Variants in DIAPH3 observed in about 807,000 individuals in gnomAD.
The protein encoded by DIAPH3 is diaphanous related formin 3.
DIAPH3 carries 117 observed loss-of-function variants against 144.3 expected under a neutral mutation model. That is an observed-to-expected ratio of 0.81 (90% confidence interval 0.70 to 0.95). The LOEUF (loss-of-function observed/expected upper bound fraction) is 0.95, where lower values mean the gene tolerates loss of function less well. Ranked by LOEUF, DIAPH3 falls within the 40% of genes least tolerant of loss-of-function variation. DIAPH3 has a pLI of 0.00. For synonymous variants in DIAPH3, 519 were observed against 488.9 expected (o/e 1.06, Z -0.81); for missense variants, 1,421 against 1,412.7 (o/e 1.01, Z -0.09).
At chr13:59,669,044 G>A (rs952131604) in intron 27 of DIAPH3, among the ~76,000 whole-genome samples, 1 of 152,104 alleles carries the variant, frequency 6.6e-6, no homozygotes, top group Non-Finnish European at 1.5e-5. Flanking sequence ...GAGATACTGA[G>A]GCTGTCTTCA....
intron 3 of DIAPH3, among the ~76,000 whole-genome samples, chr13:60,098,730 G>T (rs943980291): frequency 5.3e-5 from 8 of 152,018 alleles, no homozygotes; most frequent in African/African-American, 1.7e-4. Context: ...CTGCTTTACT[G>T]TGCTACCACA....
chr13:60,107,981 A>G (rs1266247675), intron 3 of DIAPH3, among the ~76,000 whole-genome samples: 2 of 152,214 alleles, frequency 1.3e-5, no homozygotes, highest in Non-Finnish European at 2.9e-5. Flanking sequence ...TCTTCCATTC[A>G]TTATTTTAAT....
chr13:60,068,484 CTT>C (rs1377386996), intron 4 of DIAPH3, among the ~76,000 whole-genome samples: 1 of 151,922 alleles, frequency 6.6e-6, no homozygotes, highest in Non-Finnish European at 1.5e-5. Flanking sequence ...GCCCATTTTT[CTT>C]TGTCTTTTTT....
chr13:60,057,257 A>C (rs749796698), intron 4 of DIAPH3, among the ~76,000 whole-genome samples: 1 of 151,894 alleles, frequency 6.6e-6, no homozygotes, highest in Non-Finnish European at 1.5e-5. Context: ...TGCCAACAAC[A>C]ACCAAGCTGA....
intron 4 of DIAPH3, among the ~76,000 whole-genome samples, chr13:60,052,806 C>T (rs2056399454): frequency 6.6e-6 from 1 of 151,040 alleles, no homozygotes; most frequent in African/African-American, 2.4e-5. Flanking sequence ...ACTAAAAATA[C>T]AAAAATTAGC....
intron 5 of DIAPH3, among the ~76,000 whole-genome samples, chr13:60,036,797 G>T (rs1457485853): frequency 6.6e-6 from 1 of 151,940 alleles, no homozygotes; most frequent in Non-Finnish European, 1.5e-5. Context: ...TATCCAGAAT[G>T]GAGTAGAGAG....
intron 9 of DIAPH3, among the ~76,000 whole-genome samples, chr13:59,995,903 G>A (rs2670477): frequency 0.56 from 84,379 of 151,744 alleles, 23,995 homozygotes; most frequent in Admixed American, 0.61. Context: ...AAAAGGAGGT[G>A]TCAGAACTGT....
chr13:59,848,208 G>C (rs1296146976), intron 22 of DIAPH3, among the ~76,000 whole-genome samples: 1 of 151,516 alleles, frequency 6.6e-6, no homozygotes, highest in Admixed American at 6.6e-5. Context: ...CAACAGAGCA[G>C]CCAAAGCAAT....
intron 4 of DIAPH3, among the ~76,000 whole-genome samples, chr13:60,061,617 C>T (rs2056776804): frequency 6.7e-6 from 1 of 149,090 alleles, no homozygotes; most frequent in African/African-American, 2.5e-5. Flanking sequence ...CCCCCACACA[C>T]ACCTCCCACC....
chr13:60,067,406 T>C (rs1329908629), intron 4 of DIAPH3, among the ~76,000 whole-genome samples: 2 of 152,182 alleles, frequency 1.3e-5, no homozygotes, highest in East Asian at 1.9e-4. Context: ...TATATACATA[T>C]TGGATAAATA....
At chr13:60,047,012 A>T (rs940274792) in intron 4 of DIAPH3, among the ~76,000 whole-genome samples, 1 of 152,138 alleles carries the variant, frequency 6.6e-6, no homozygotes, top group African/African-American at 2.4e-5. Flanking sequence ...CATTAGGACA[A>T]ATACCTAATG....
intron 5 of DIAPH3, among the ~76,000 whole-genome samples, chr13:60,041,090 AGGCTTG>A (rs2055631408): frequency 6.6e-6 from 1 of 151,010 alleles, no homozygotes; most frequent in African/African-American, 2.4e-5. Context: ...CTGGGATTAC[AGGCTTG>A]AGCCTGTAAT....
chr13:60,136,463 T>C (rs1226370780), intron 1 of DIAPH3, among the ~76,000 whole-genome samples: 2 of 144,426 alleles, frequency 1.4e-5, no homozygotes, highest in African/African-American at 5.1e-5. Context: ...TTTTTAGGGT[T>C]ATATTTACCA....
At chr13:60,088,910 C>A (rs564484902) in intron 4 of DIAPH3, among the ~76,000 whole-genome samples, 1 of 152,156 alleles carries the variant, frequency 6.6e-6, no homozygotes, top group Non-Finnish European at 1.5e-5. Flanking sequence ...GAGTAAGCCA[C>A]CAAGCGCAGC....
At chr13:59,882,984 G>C (rs985316250) in intron 20 of DIAPH3, among the ~76,000 whole-genome samples, 39 of 152,178 alleles carry the variant, frequency 2.6e-4, no homozygotes, top group African/African-American at 9.2e-4. Context: ...TAAAAATCAA[G>C]AAGCAATATC....
At chr13:60,083,337 A>G (rs2057628499) in intron 4 of DIAPH3, among the ~76,000 whole-genome samples, 2 of 152,104 alleles carry the variant, frequency 1.3e-5, no homozygotes, top group African/African-American at 4.8e-5. Context: ...TTCCTATATC[A>G]CTGGCTAACC....
intron 25 of DIAPH3, among the ~76,000 whole-genome samples, chr13:59,794,555 G>A (rs1205440439): frequency 4.6e-5 from 7 of 151,814 alleles, no homozygotes; most frequent in Non-Finnish European, 7.4e-5. Context: ...CATTTGAAAA[G>A]TTACAGATCT....
At chr13:59,861,746 A>G (rs956770504) in intron 21 of DIAPH3, among the ~76,000 whole-genome samples, 3 of 152,236 alleles carry the variant, frequency 2.0e-5, no homozygotes, top group Admixed American at 6.5e-5. Context: ...CAAAAAAGGA[A>G]TAAGTTTAAT....
intron 4 of DIAPH3, among the ~76,000 whole-genome samples, chr13:60,069,549 C>T (rs935243292): frequency 4.6e-5 from 7 of 152,024 alleles, no homozygotes; most frequent in Non-Finnish European, 8.8e-5. Flanking sequence ...AAAATATTTG[C>T]CAGGTCCTAT....
Sources: allele counts gnomAD v4.1 joint callset (sites outside exome capture counted in the v4.1 genomes callset), GRCh38; gene constraint gnomAD v4.1.1; transcripts MANE v1.5; gene names NCBI Gene and HGNC (gene_info 2026-07-23, HGNC 2026-07-21).